The following CRISPLD2 variants were observed in gnomAD, a reference collection of about 807,000 sequenced individuals.
CRISPLD2 encodes the protein cysteine rich secretory protein LCCL domain containing 2, also known as cysteine-rich secretory protein LCCL domain-containing 2.
A neutral mutation model predicts 71.1 loss-of-function variants in CRISPLD2; 47 were observed. That is an observed-to-expected ratio of 0.66 (90% CI 0.52 to 0.84). CRISPLD2 has a LOEUF of 0.84. CRISPLD2 is among the 40% of genes least tolerant of loss of function. The pLI is 0.00. For missense variants in CRISPLD2, 830 were observed against 651.1 expected, an observed-to-expected ratio of 1.27 and a Z score of -2.99; for synonymous variants, 317 against 250.1, an observed-to-expected ratio of 1.27 and a Z score of -2.52.
At chr16:84,892,172 C>T (rs774792894) in intron 14 of CRISPLD2, among the ~76,000 whole-genome samples, 19 of 152,152 alleles carry the variant, frequency 1.2e-4, no homozygotes, top group Non-Finnish European at 2.1e-4. Context: ...GGTGGGGTCC[C>T]CAGGCCAACA....
chr16:84,901,795 T>C (rs2071756996), intron 14 of CRISPLD2, among the ~76,000 whole-genome samples: 3 of 136,584 alleles, frequency 2.2e-5, no homozygotes, highest in Non-Finnish European at 4.7e-5. Flanking sequence ...CACTTTTTTT[T>C]TTTTTTTTTT....
intron 14 of CRISPLD2, 24 bp from the exon 15 acceptor site, chr16:84,906,564 G>T: frequency 6.2e-7 from 1 of 1,611,858 alleles, no homozygotes; most frequent in South Asian, 1.1e-5. Context: ...CTCAGTAACG[G>T]GCCCTCTTTC....
At chr16:84,849,714 A>G (rs1421563553) in intron 4 of CRISPLD2, among the ~76,000 whole-genome samples, 197 bp downstream of exon 4, 1 of 92,256 alleles carries the variant, frequency 1.1e-5, no homozygotes, top group African/African-American at 3.6e-5. Context: ...AGTGAGCACT[A>G]CAAACTCTTT....
intron 6 of CRISPLD2, among the ~76,000 whole-genome samples, chr16:84,856,664 A>G (rs1917249134): frequency 6.6e-6 from 1 of 152,206 alleles, no homozygotes; most frequent in Non-Finnish European, 1.5e-5. Flanking sequence ...GATTGAGGGC[A>G]TACATGGCCT....
At chr16:84,897,223 C>T (rs2071713937) in intron 14 of CRISPLD2, among the ~76,000 whole-genome samples, 1 of 150,764 alleles carries the variant, frequency 6.6e-6, no homozygotes, top group Non-Finnish European at 1.5e-5. Flanking sequence ...GTGGGAGGAT[C>T]ACATGAGGCC....
rs778192795 is a variant in CRISPLD2 at position 84,838,724 on chromosome 16, A to G, written c.229A>G (p.Met77Val). ...RGQVQPQASN[M>V]EYMTWDDELE... ...CCAGGTGCAGCCTCAGGCCTCCAAC[A>G]TGGAGTACATGGTGAGCGCCGGCTC... The change falls in exon 2 of 15, where the codon ATG becomes GTG. Residue 77 changes from methionine to valine, a missense_variant. Coordinates refer to ENST00000262424, the MANE Select transcript of CRISPLD2 (RefSeq NM_031476.4). The G allele has an allele frequency of 1.2e-6, 2 of 1,613,302 alleles. No individual in the cohort carries two copies. The highest frequency in any genetic ancestry group is 2.2e-5 in the East Asian group (1 of 44,880).
intron 6 of CRISPLD2, among the ~76,000 whole-genome samples, chr16:84,862,672 C>CTTTTTT (rs764630306): frequency 1.4e-4 from 14 of 99,192 alleles, no homozygotes; most frequent in East Asian, 2.8e-4. Context: ...GTGGCCCAGG[C>CTTTTTT]TTTTTTTTTT....
At chr16:84,851,657 G>A (rs1917093649) in intron 5 of CRISPLD2, among the ~76,000 whole-genome samples, 2 of 152,222 alleles carry the variant, frequency 1.3e-5, no homozygotes, top group South Asian at 4.1e-4. Context: ...AGCGCAGCGG[G>A]TGTGTCATTG....
chr16:84,879,065 G>C (rs943706561), intron 12 of CRISPLD2, among the ~76,000 whole-genome samples: 1 of 152,128 alleles, frequency 6.6e-6, no homozygotes, highest in African/African-American at 2.4e-5. Context: ...GGCCCAGGAG[G>C]GTGACTGGTT....
intron 5 of CRISPLD2, 27 bp downstream of exon 5, chr16:84,850,710 G>A (rs748025685): frequency 6.3e-7 from 1 of 1,580,246 alleles, no homozygotes; most frequent in South Asian, 1.1e-5. Flanking sequence ...CCGTTGTATG[G>A]GGTGGGGGTT....
intron 6 of CRISPLD2, among the ~76,000 whole-genome samples, chr16:84,856,422 C>T (rs996873018): frequency 4.6e-5 from 7 of 152,094 alleles, no homozygotes; most frequent in Non-Finnish European, 1.5e-5. Context: ...AGGTGGCAAC[C>T]TTAACTTCCA....
At chr16:84,837,564 G>A (rs538180971) in intron 1 of CRISPLD2, among the ~76,000 whole-genome samples, 51 of 132,570 alleles carry the variant, frequency 3.8e-4, no homozygotes, top group Admixed American at 3.6e-3. Context: ...CTACAGGCGC[G>A]TGACACCACG....
At chr16:84,866,701 C>A (rs1324150165) in intron 6 of CRISPLD2, among the ~76,000 whole-genome samples, 196 bp from the exon 7 acceptor site, 12 of 152,098 alleles carry the variant, frequency 7.9e-5, no homozygotes, top group Non-Finnish European at 1.3e-4. Flanking sequence ...GGAGAGCGTC[C>A]CCGTCTCATC....
intron 14 of CRISPLD2, among the ~76,000 whole-genome samples, chr16:84,894,445 G>A (rs1488917801): frequency 6.6e-6 from 1 of 152,184 alleles, no homozygotes; most frequent in East Asian, 1.9e-4. Context: ...TGGGTGCACA[G>A]CCATCTGAAT....
chr16:84,880,594 A>G lies in CRISPLD2; in HGVS notation c.1305+10A>G, dbSNP rs756696380. 6.2e-6 allele frequency: 10 copies of G among 1,611,144 alleles called. No individual in the cohort carries two copies. Among genetic ancestry groups the G allele is most frequent in the Non-Finnish European group, 8.5e-6 (10 of 1,177,566 alleles). On this transcript the variant is annotated intron_variant, in intron 13 of 14. Coordinates refer to ENST00000262424, the MANE Select transcript of CRISPLD2 (RefSeq NM_031476.4). ...CAACATCTATGCAGATGTGAGTAGG[A>G]TGCATTTTCAACAACTATCTCGCAA...
intron 9 of CRISPLD2, 136 bp downstream of exon 9, chr16:84,872,644 G>A (rs116554813): frequency 2.1e-5 from 17 of 793,146 alleles, no homozygotes; most frequent in African/African-American, 1.1e-4. Context: ...GAACTGGGGC[G>A]GGTGTATATT....
At chr16:84,886,117 T>C (rs1211076849) in intron 13 of CRISPLD2, among the ~76,000 whole-genome samples, 4 of 152,174 alleles carry the variant, frequency 2.6e-5, no homozygotes, top group Non-Finnish European at 1.5e-5. Flanking sequence ...CTCAAACTCC[T>C]GTCCTCAGGT....
At chr16:84,861,489 A>T (rs1275956855) in intron 6 of CRISPLD2, among the ~76,000 whole-genome samples, 1 of 152,200 alleles carries the variant, frequency 6.6e-6, no homozygotes, top group Non-Finnish European at 1.5e-5. Context: ...AGCATGGGAC[A>T]AAGATGTAGG....
chr16:84,855,697 G>C (rs565193566), intron 6 of CRISPLD2, among the ~76,000 whole-genome samples: 1 of 152,184 alleles, frequency 6.6e-6, no homozygotes, highest in East Asian at 1.9e-4. Context: ...ACTATCACAA[G>C]TCCACCCCTT....
Sources: gnomAD v4.1 joint callset for allele counts (sites outside exome capture counted in the v4.1 genomes callset) on GRCh38, gnomAD v4.1.1 for gene constraint, MANE v1.5 for transcripts, NCBI Gene and HGNC (gene_info 2026-07-23, HGNC 2026-07-21) for gene names.